The following THSD7B variants were observed in gnomAD, a reference collection of about 807,000 sequenced individuals.
The protein encoded by THSD7B is thrombospondin type-1 domain-containing protein 7B.
A neutral mutation model predicts 213.6 loss-of-function variants in THSD7B; 138 were observed. That is an observed-to-expected ratio of 0.65 (90% CI 0.56 to 0.74). The LOEUF (loss-of-function observed/expected upper bound fraction) is 0.74. Among genes scored for constraint, THSD7B ranks in the 30% least tolerant of loss-of-function variants. The pLI, the probability that THSD7B is intolerant of heterozygous loss-of-function variation, is 0.00. For synonymous variants in THSD7B, 742 were observed against 687.0 expected (o/e 1.08, Z -1.25); for missense variants, 1,931 against 1,991.5 (o/e 0.97, Z 0.58).
At chr2:137,245,663 A>G (rs943568989) in intron 10 of THSD7B, among the ~76,000 whole-genome samples, 1 of 152,088 alleles carries the variant, frequency 6.6e-6, no homozygotes, top group Non-Finnish European at 1.5e-5. Context: ...GACCACTTCC[A>G]CCATCTTCAC....
chr2:137,487,534 T>C (rs1688488064), intron 15 of THSD7B, among the ~76,000 whole-genome samples: 1 of 151,556 alleles, frequency 6.6e-6, no homozygotes, highest in Non-Finnish European at 1.5e-5. Flanking sequence ...GCTGGTTTTT[T>C]GAAAGGATCA....
At chr2:137,431,849 T>C (rs1051687356) in intron 14 of THSD7B, among the ~76,000 whole-genome samples, 55 of 152,270 alleles carry the variant, frequency 3.6e-4, no homozygotes, top group African/African-American at 1.3e-3. Context: ...GCTTTTGGAA[T>C]AGCTTATAGG....
intron 12 of THSD7B, among the ~76,000 whole-genome samples, chr2:137,294,583 C>CAAAAAAAAAAAAAAAAAAAAAAAA (rs1210363889): frequency 6.1e-4 from 45 of 73,220 alleles, no homozygotes; most frequent in African/African-American, 1.1e-3. Flanking sequence ...AACTCCATCT[C>CAAAAAAAAAAAAAAAAAAAAAAAA]AAAAAAAAAA....
In THSD7B at chr2:137,115,012, T is replaced by C. The variant is rs1688419081; in HGVS notation, c.1200-112T>C. The C allele has an allele frequency of 5.2e-6, 6 of 1,162,328 alleles. No individual in the cohort carries two copies. In the South Asian group the frequency reaches 8.6e-5, roughly 17 times the overall value. The allele number at this position is 1,162,328 out of a possible 1,614,324, so 72.0% of individuals were successfully genotyped here. ...ATACTTCTTTATCCACAGGCAAAGA[T>C]TTGGCCCTAGAAAGAGAGATTATGC... On this transcript the variant is annotated intron_variant, in intron 4 of 27. Coordinates refer to ENST00000409968, the MANE Select transcript of THSD7B (RefSeq NM_001316349.2).
At chr2:137,456,773 G>A (rs1479909820) in intron 15 of THSD7B, among the ~76,000 whole-genome samples, 2 of 152,206 alleles carry the variant, frequency 1.3e-5, no homozygotes, top group African/African-American at 4.8e-5. Flanking sequence ...GGGCTGCAGA[G>A]TGATTTATTC....
At chr2:137,660,114 T>C (rs1683315335) in intron 25 of THSD7B, among the ~76,000 whole-genome samples, 1 of 152,256 alleles carries the variant, frequency 6.6e-6, no homozygotes, top group African/African-American at 2.4e-5. Flanking sequence ...GCAAATTGTA[T>C]TACACTATGA....
chr2:136,839,957 A>G (rs532803673), intron 1 of THSD7B, among the ~76,000 whole-genome samples: 13 of 152,320 alleles, frequency 8.5e-5, no homozygotes, highest in African/African-American at 2.6e-4. Context: ...CTGACATTGT[A>G]TCATTGTCTG....
intron 2 of THSD7B, among the ~76,000 whole-genome samples, chr2:136,933,648 TGATA>T (rs1197333086): frequency 3.3e-5 from 5 of 151,932 alleles, no homozygotes; most frequent in African/African-American, 1.2e-4. Flanking sequence ...TTTTTATTAT[TGATA>T]GATTTTAATT....
At chr2:136,778,085 GAA>G (rs1681647055) in intron 1 of THSD7B, among the ~76,000 whole-genome samples, 1 of 152,228 alleles carries the variant, frequency 6.6e-6, no homozygotes, top group South Asian at 2.1e-4. Context: ...CTGGTTGATG[GAA>G]TTATCATGGA....
intron 12 of THSD7B, among the ~76,000 whole-genome samples, chr2:137,371,459 C>A (rs1031086085): frequency 6.6e-6 from 1 of 152,036 alleles, no homozygotes; most frequent in East Asian, 1.9e-4. Flanking sequence ...AGATCTTTGT[C>A]CTCATTGTTT....
At chr2:137,006,683 G>A (rs1009772806) in intron 2 of THSD7B, among the ~76,000 whole-genome samples, 2 of 152,106 alleles carry the variant, frequency 1.3e-5, no homozygotes, top group East Asian at 3.9e-4. Flanking sequence ...CTCAGCCCAA[G>A]TTAACGCTGC....
At chr2:137,025,977 G>A (rs1195599600) in intron 2 of THSD7B, among the ~76,000 whole-genome samples, 3 of 152,156 alleles carry the variant, frequency 2.0e-5, no homozygotes, top group African/African-American at 7.2e-5. Flanking sequence ...CTTCCCAGGT[G>A]AGACAGATAC....
At chr2:136,855,619 T>C (rs1683166874) in intron 1 of THSD7B, among the ~76,000 whole-genome samples, 1 of 143,836 alleles carries the variant, frequency 7.0e-6, no homozygotes, top group Admixed American at 6.8e-5. Context: ...ATTTATTTAT[T>C]TATTTATTTA....
Position 137,676,736 on chromosome 2 carries a change from T to A in THSD7B, c.*131T>A, listed in dbSNP as rs536403849. ...GGGCAGAATACAAATATTGCAAAAG[T>A]AATATTGCCTCAACTTCATTTGGAC... On this transcript the variant is annotated 3_prime_UTR_variant, in exon 28 of 28. Coordinates refer to ENST00000409968, the MANE Select transcript of THSD7B (RefSeq NM_001316349.2). 8.3e-5 allele frequency: 58 copies of A among 701,014 alleles called. No homozygotes were observed. The highest frequency in any genetic ancestry group is 1.1e-4 in the Non-Finnish European group (52 of 469,014). 43.4% of individuals were successfully genotyped at this position (701,014 alleles called of 1,614,324 possible). A position where few individuals can be genotyped will look rare whatever the true frequency, so the allele number is the denominator to read the frequency against.
chr2:137,237,503 G>C (rs527542689), intron 9 of THSD7B, among the ~76,000 whole-genome samples: 2 of 152,266 alleles, frequency 1.3e-5, no homozygotes, highest in Non-Finnish European at 2.9e-5. Flanking sequence ...CTAAATATGG[G>C]ATTTTTAAGG....
At chr2:137,469,320 T>A (rs556199274) in intron 15 of THSD7B, among the ~76,000 whole-genome samples, 1 of 152,200 alleles carries the variant, frequency 6.6e-6, no homozygotes, top group Admixed American at 6.6e-5. Flanking sequence ...AGTTTTGTAA[T>A]GTAAAAGTGA....
chr2:137,591,807 A>G lies in THSD7B; in HGVS notation c.3423+19251A>G, dbSNP rs537613416. Among the ~76,000 whole-genome samples, 90 of 151,986 alleles carry G rather than the reference A, an allele frequency of 5.9e-4. 1 individual carries two copies. Among genetic ancestry groups the G allele is most frequent in the Middle Eastern group, 3.4e-3 (1 of 294 alleles). ...AAGGTTCACAAATGTTTGTTTATAT[A>G]ATGTTCGGCTGATCTTTGTTTCATA... On this transcript the variant is annotated intron_variant, in intron 17 of 27. Transcript: ENST00000409968.
chr2:137,135,987 T>G (rs1355173555), intron 5 of THSD7B, among the ~76,000 whole-genome samples: 2 of 151,836 alleles, frequency 1.3e-5, no homozygotes, highest in Non-Finnish European at 2.9e-5. Flanking sequence ...AAAGGATGCG[T>G]GCATGTCCTT....
At chr2:137,011,528 G>GA (rs1553464461) in intron 2 of THSD7B, among the ~76,000 whole-genome samples, 3 of 152,072 alleles carry the variant, frequency 2.0e-5, no homozygotes, top group Non-Finnish European at 4.4e-5. Context: ...GTTGTAACAA[G>GA]AAAAAATGTC....
Sources: allele counts gnomAD v4.1 joint callset (sites outside exome capture counted in the v4.1 genomes callset), GRCh38; gene constraint gnomAD v4.1.1; transcripts MANE v1.5; gene names NCBI Gene and HGNC (gene_info 2026-07-23, HGNC 2026-07-21).